The following SLC14A2 variants were observed in gnomAD, a reference collection of about 807,000 sequenced individuals.
The protein encoded by SLC14A2 is solute carrier family 14 member 2, also known as urea transporter 2.
A neutral mutation model predicts 104.6 loss-of-function variants in SLC14A2; 91 were observed. The observed-to-expected ratio is 0.87, with a 90% CI of 0.73 to 1.04. The LOEUF (loss-of-function observed/expected upper bound fraction) is 1.04. SLC14A2 is among the 50% of genes least tolerant of loss of function. The pLI is 0.00. For missense variants in SLC14A2, 1,189 were observed against 1,156.0 expected, an observed-to-expected ratio of 1.03 and a Z score of -0.41; for synonymous variants, 476 against 466.4, an observed-to-expected ratio of 1.02 and a Z score of -0.27.
At chr18:45,559,467 G>A (rs919450366) in intron 2 of SLC14A2, among the ~76,000 whole-genome samples, 1 of 152,190 alleles carries the variant, frequency 6.6e-6, no homozygotes, top group Non-Finnish European at 1.5e-5. Context: ...GCTTGTACAA[G>A]ACAGCCAAAG....
chr18:45,389,784 C>T (rs1366477126), intron 1 of SLC14A2, among the ~76,000 whole-genome samples: 1 of 152,140 alleles, frequency 6.6e-6, no homozygotes, highest in Non-Finnish European at 1.5e-5. Flanking sequence ...CCACACTCAC[C>T]CCCACTCCAA....
At chr18:45,264,980 G>C (rs1340569887) in intron 1 of SLC14A2, among the ~76,000 whole-genome samples, 2 of 152,156 alleles carry the variant, frequency 1.3e-5, no homozygotes, top group Non-Finnish European at 2.9e-5. Context: ...GCAAAGTAGA[G>C]AATATCCAGA....
chr18:45,327,553 A>C (rs563587652), intron 1 of SLC14A2, among the ~76,000 whole-genome samples: 2 of 152,320 alleles, frequency 1.3e-5, no homozygotes, highest in South Asian at 4.1e-4. Context: ...TCTGCATTAC[A>C]GTCCCTGGTA....
chr18:45,649,770 T>A (rs922724613), intron 10 of SLC14A2, among the ~76,000 whole-genome samples: 6 of 152,234 alleles, frequency 3.9e-5, no homozygotes, highest in Admixed American at 3.9e-4. Context: ...CTAGATATTG[T>A]TCCTTCATTT....
At chr18:45,649,122 C>A (rs1486472078) in intron 10 of SLC14A2, among the ~76,000 whole-genome samples, 1 of 151,952 alleles carries the variant, frequency 6.6e-6, no homozygotes, top group Non-Finnish European at 1.5e-5. Flanking sequence ...AGTGAGCGAG[C>A]CGAGATCGTG....
chr18:45,285,177 G>C (rs1023163071), intron 1 of SLC14A2, among the ~76,000 whole-genome samples: 9 of 152,172 alleles, frequency 5.9e-5, no homozygotes, highest in Admixed American at 3.3e-4. Flanking sequence ...GTAGAATAGA[G>C]ACAGACTATA....
chr18:45,493,312 G>A (rs1401077402), intron 2 of SLC14A2: 2 of 152,184 alleles, frequency 1.3e-5, no homozygotes, highest in Admixed American at 6.5e-5. Flanking sequence ...TGGATAAAAT[G>A]AATAAAATGT....
chr18:45,524,442 A>T (rs1255871002), intron 2 of SLC14A2, among the ~76,000 whole-genome samples: 1 of 152,146 alleles, frequency 6.6e-6, no homozygotes, highest in African/African-American at 2.4e-5. Flanking sequence ...AGTGAGAGGG[A>T]TGTGCCCTTG....
At chr18:45,464,503 G>T (rs534561719) in intron 1 of SLC14A2, among the ~76,000 whole-genome samples, 4 of 152,320 alleles carry the variant, frequency 2.6e-5, no homozygotes, top group African/African-American at 9.6e-5. Flanking sequence ...AAATAAGATA[G>T]ATTCAAAAGC....
chr18:45,559,420 A>G (rs1334619538), intron 2 of SLC14A2, among the ~76,000 whole-genome samples: 3 of 152,296 alleles, frequency 2.0e-5, no homozygotes, highest in Middle Eastern at 3.4e-3. Context: ...GCACGTTAAA[A>G]TGGGTTAGTG....
chr18:45,297,024 C>A (rs2144180751), intron 1 of SLC14A2, among the ~76,000 whole-genome samples: 1 of 152,268 alleles, frequency 6.6e-6, no homozygotes, highest in East Asian at 1.9e-4. Context: ...TTTAAAGTTA[C>A]ATGCTGCCCT....
chr18:45,174,694 A>G, the SLC14A2 span, among the ~76,000 whole-genome samples: 4 of 152,164 alleles, frequency 2.6e-5, no homozygotes, highest in Non-Finnish European at 5.9e-5. Flanking sequence ...CCAAAAACAC[A>G]AGAATTGGAT....
chr18:45,374,015 A>G (rs2085749026), intron 1 of SLC14A2, among the ~76,000 whole-genome samples: 2 of 152,198 alleles, frequency 1.3e-5, no homozygotes, highest in South Asian at 2.1e-4. Flanking sequence ...AACTATCTCT[A>G]TTTCACATTA....
At chr18:45,473,254 G>A (rs989369216) in intron 1 of SLC14A2, among the ~76,000 whole-genome samples, 2 of 152,196 alleles carry the variant, frequency 1.3e-5, no homozygotes, top group Non-Finnish European at 2.9e-5. Flanking sequence ...TTTGGTACCA[G>A]TACCATGCTG....
intron 1 of SLC14A2, among the ~76,000 whole-genome samples, chr18:45,448,354 C>T (rs1482614837): frequency 6.6e-6 from 1 of 152,154 alleles, no homozygotes; most frequent in African/African-American, 2.4e-5. Flanking sequence ...TTTCTCAAAC[C>T]ATGACAGTTT....
chr18:45,373,142 G>T (rs111901019), intron 1 of SLC14A2, among the ~76,000 whole-genome samples: 2 of 152,264 alleles, frequency 1.3e-5, no homozygotes, highest in African/African-American at 4.8e-5. Flanking sequence ...TAAGAACAGG[G>T]TTTATTGCTA....
intron 10 of SLC14A2, among the ~76,000 whole-genome samples, chr18:45,656,910 C>T (rs920045930): frequency 5.3e-5 from 8 of 152,174 alleles, no homozygotes; most frequent in African/African-American, 1.9e-4. Flanking sequence ...TTCAAGGTAA[C>T]AGTGACTCAT....
At chr18:45,261,046 G>T (rs188999435) in intron 1 of SLC14A2, among the ~76,000 whole-genome samples, 2 of 151,146 alleles carry the variant, frequency 1.3e-5, no homozygotes. Context: ...AAGTTTTAGG[G>T]TACATGTGCA....
intron 2 of SLC14A2, among the ~76,000 whole-genome samples, chr18:45,557,344 G>A (rs558839559): frequency 1.6e-4 from 25 of 152,260 alleles, no homozygotes; most frequent in African/African-American, 4.6e-4. Flanking sequence ...GTCCTCAGTC[G>A]CCAATGCGTC....
Sources: allele counts gnomAD v4.1 joint callset (sites outside exome capture counted in the v4.1 genomes callset), GRCh38; gene constraint gnomAD v4.1.1; transcripts MANE v1.5; gene names NCBI Gene and HGNC (gene_info 2026-07-23, HGNC 2026-07-21).